The following NXPE2 variants were observed in gnomAD, a reference collection of about 807,000 sequenced individuals.
NXPE2 encodes NXPE family member 2.
A neutral mutation model predicts 34.4 loss-of-function variants in NXPE2; 34 were observed. The observed-to-expected ratio is 0.99, with a 90% CI of 0.75 to 1.31. NXPE2 has a LOEUF of 1.31. NXPE2 is among the 40% of genes most tolerant of loss of function. NXPE2 has a pLI of 0.00. For synonymous variants in NXPE2, 235 were observed against 231.3 expected, an observed-to-expected ratio of 1.02 and a Z score of -0.15; for missense variants, 649 against 672.5, an observed-to-expected ratio of 0.97 and a Z score of 0.39.
the NXPE2 span, among the ~76,000 whole-genome samples, chr11:114,647,804 C>T: frequency 2.6e-5 from 4 of 151,850 alleles, no homozygotes; most frequent in South Asian, 2.1e-4. Flanking sequence ...TGGGTTTAAG[C>T]GATTCTCCTG....
At chr11:114,796,322 G>A in the NXPE2 span, among the ~76,000 whole-genome samples, 1 of 152,214 alleles carries the variant, frequency 6.6e-6, no homozygotes, top group East Asian at 1.9e-4. Context: ...TTCAGTCCTT[G>A]AAGAATTTTT....
At chr11:114,577,754 G>T in the NXPE2 span, among the ~76,000 whole-genome samples, 1 of 152,006 alleles carries the variant, frequency 6.6e-6, no homozygotes, top group South Asian at 2.1e-4. Context: ...CTAGAGGAAG[G>T]TACTAATTGG....
At chr11:114,766,996 T>A in the NXPE2 span, among the ~76,000 whole-genome samples, 2 of 152,102 alleles carry the variant, frequency 1.3e-5, no homozygotes, top group Middle Eastern at 3.4e-3. Flanking sequence ...AAAAAAAATA[T>A]TTTTTCCTCT....
At chr11:114,611,961 G>A in the NXPE2 span, among the ~76,000 whole-genome samples, 6 of 151,936 alleles carry the variant, frequency 3.9e-5, no homozygotes, top group Admixed American at 3.9e-4. Context: ...TAGATAATAA[G>A]TATTGCCTCG....
chr11:114,639,366 C>T, the NXPE2 span, among the ~76,000 whole-genome samples: 2 of 152,034 alleles, frequency 1.3e-5, 1 homozygote, highest in Non-Finnish European at 2.9e-5. Context: ...CAGGTGCCGT[C>T]TGTTACCCCT....
chr11:114,785,872 G>C, the NXPE2 span, among the ~76,000 whole-genome samples: 1 of 152,182 alleles, frequency 6.6e-6, no homozygotes, highest in African/African-American at 2.4e-5. Context: ...GCACTTCCCA[G>C]GTGAGGTGAA....
chr11:114,667,682 A>G, the NXPE2 span, among the ~76,000 whole-genome samples: 4 of 152,090 alleles, frequency 2.6e-5, no homozygotes, highest in Non-Finnish European at 5.9e-5. Flanking sequence ...AGTGGCGAAG[A>G]ACTGAGACCT....
At chr11:114,480,191 A>G in the NXPE2 span, among the ~76,000 whole-genome samples, 1 of 151,812 alleles carries the variant, frequency 6.6e-6, no homozygotes, top group African/African-American at 2.4e-5. Context: ...AAGCCTCTAG[A>G]TGGAGAAGGA....
the NXPE2 span, among the ~76,000 whole-genome samples, chr11:114,508,326 A>G: frequency 2.0e-5 from 3 of 152,192 alleles, no homozygotes; most frequent in Non-Finnish European, 4.4e-5. Flanking sequence ...GCCCAAAGCA[A>G]TTTATAGATT....
the NXPE2 span, among the ~76,000 whole-genome samples, chr11:114,520,092 GT>G: frequency 6.6e-6 from 1 of 152,012 alleles, no homozygotes; most frequent in African/African-American, 2.4e-5. Context: ...GTAAGCCACC[GT>G]GCCTGGCCAC....
At chr11:114,645,679 G>A in the NXPE2 span, among the ~76,000 whole-genome samples, 5 of 151,916 alleles carry the variant, frequency 3.3e-5, no homozygotes, top group African/African-American at 7.3e-5. Context: ...TAAAGGGAAA[G>A]AAAACCCAAA....
chr11:114,758,167 T>G, the NXPE2 span, among the ~76,000 whole-genome samples: 1 of 150,102 alleles, frequency 6.7e-6, no homozygotes, highest in Non-Finnish European at 1.5e-5. Flanking sequence ...TATGACTTCT[T>G]CTCCGTCCAC....
At chr11:114,807,439 G>A in the NXPE2 span, among the ~76,000 whole-genome samples, 9 of 152,042 alleles carry the variant, frequency 5.9e-5, no homozygotes, top group Non-Finnish European at 1.0e-4. Flanking sequence ...GCTGTATTCA[G>A]GAAACCCATC....
At chr11:114,501,023 T>C in the NXPE2 span, among the ~76,000 whole-genome samples, 1 of 152,338 alleles carries the variant, frequency 6.6e-6, no homozygotes, top group Non-Finnish European at 1.5e-5. Context: ...CTGAATTATT[T>C]AGGAATATGC....
At chr11:114,713,842 T>G in the NXPE2 span, among the ~76,000 whole-genome samples, 1 of 152,206 alleles carries the variant, frequency 6.6e-6, no homozygotes, top group Non-Finnish European at 1.5e-5. Flanking sequence ...CAATCTTCTT[T>G]TCCAGTCTAC....
At chr11:114,554,199 T>C in the NXPE2 span, 2 of 983,862 alleles carry the variant, frequency 2.0e-6, no homozygotes, top group African/African-American at 3.5e-5. Flanking sequence ...AATAGAAACT[T>C]GTAGCTGGAC....
At chr11:114,778,857 T>C in the NXPE2 span, among the ~76,000 whole-genome samples, 5 of 152,214 alleles carry the variant, frequency 3.3e-5, no homozygotes, top group Non-Finnish European at 4.4e-5. Flanking sequence ...CACTTTATTG[T>C]GTATAAAGGC....
At chr11:114,739,954 T>C in the NXPE2 span, among the ~76,000 whole-genome samples, 1 of 152,190 alleles carries the variant, frequency 6.6e-6, no homozygotes, top group Non-Finnish European at 1.5e-5. Flanking sequence ...CCATTATATA[T>C]ACAGTAGTCC....
chr11:114,592,837 A>T, the NXPE2 span, among the ~76,000 whole-genome samples: 1 of 152,184 alleles, frequency 6.6e-6, no homozygotes, highest in Non-Finnish European at 1.5e-5. Flanking sequence ...ACATACACCA[A>T]TGGAACAGAA....
Sources: allele counts gnomAD v4.1 joint callset (sites outside exome capture counted in the v4.1 genomes callset), GRCh38; gene constraint gnomAD v4.1.1; transcripts MANE v1.5; gene names NCBI Gene and HGNC (gene_info 2026-07-23, HGNC 2026-07-21).